RSPH14: variants seen among roughly 807,000 people sequenced by gnomAD.
RSPH14 encodes the protein rhabdoid tumor deletion region gene 1.
RSPH14 carries 20 observed loss-of-function variants against 26.7 expected under a neutral mutation model. That is an observed-to-expected ratio of 0.75 (90% CI 0.53 to 1.09). The LOEUF (loss-of-function observed/expected upper bound fraction) is 1.09, where lower values mean the gene tolerates loss of function less well. Ranked by LOEUF, RSPH14 falls within the 50% of genes least tolerant of loss-of-function variation. RSPH14 has a pLI of 0.00. For missense variants in RSPH14, 449 were observed against 457.2 expected (o/e 0.98, Z 0.16); for synonymous variants, 177 against 189.3 (o/e 0.93, Z 0.53).
At chr22:23,067,290 T>C (rs1053484942) in intron 4 of RSPH14, among the ~76,000 whole-genome samples, 1 of 152,070 alleles carries the variant, frequency 6.6e-6, no homozygotes, top group Non-Finnish European at 1.5e-5. Context: ...GCCTGCTGGG[T>C]TGGGGAGGTG....
intron 4 of RSPH14, among the ~76,000 whole-genome samples, chr22:23,098,606 C>T (rs2069194726): frequency 6.6e-6 from 1 of 152,242 alleles, no homozygotes; most frequent in South Asian, 2.1e-4. Context: ...ACCCTGGTTT[C>T]TGCAGGCCTG....
intron 4 of RSPH14, chr22:23,131,637 C>G (rs1287920543): frequency 7.7e-7 from 1 of 1,303,920 alleles, no homozygotes; most frequent in African/African-American, 1.5e-5. Context: ...CTCCACACTC[C>G]AAGAATGAGG....
intron 4 of RSPH14, among the ~76,000 whole-genome samples, chr22:23,133,393 G>C (rs1273540598): frequency 1.3e-5 from 2 of 152,018 alleles, no homozygotes; most frequent in Non-Finnish European, 2.9e-5. Flanking sequence ...TTTTAAAAGG[G>C]GCATCATCTA....
At chr22:23,073,639 G>A (rs899041886) in intron 4 of RSPH14, among the ~76,000 whole-genome samples, 1 of 152,254 alleles carries the variant, frequency 6.6e-6, no homozygotes, top group African/African-American at 2.4e-5. Flanking sequence ...CGCTTCACAG[G>A]ATTGAACCAA....
chr22:23,144,150 T>C (rs903018027), upstream of RSPH14, among the ~76,000 whole-genome samples: 14 of 145,224 alleles, frequency 9.6e-5, no homozygotes, highest in African/African-American at 3.6e-4. Context: ...GGGTGATCTC[T>C]AGCTCCTGCC....
At chr22:23,098,158 C>T (rs903409551) in intron 4 of RSPH14, among the ~76,000 whole-genome samples, 1 of 152,236 alleles carries the variant, frequency 6.6e-6, no homozygotes, top group Admixed American at 6.5e-5. Context: ...CACCTTGCTG[C>T]CTCTCTCTCC....
intron 4 of RSPH14, among the ~76,000 whole-genome samples, chr22:23,105,887 C>T (rs1157509908): frequency 2.0e-5 from 3 of 152,198 alleles, no homozygotes; most frequent in Non-Finnish European, 4.4e-5. Flanking sequence ...CCAGTCCTCC[C>T]AGTTGGGCAG....
At chr22:23,085,172 A>G (rs2068784609) in intron 4 of RSPH14, among the ~76,000 whole-genome samples, 1 of 152,074 alleles carries the variant, frequency 6.6e-6, no homozygotes, top group African/African-American at 2.4e-5. Flanking sequence ...AGCTCTGGGA[A>G]TCACCCCACC....
At chr22:23,088,176 G>A (rs189988873) in intron 4 of RSPH14, among the ~76,000 whole-genome samples, 4 of 152,338 alleles carry the variant, frequency 2.6e-5, no homozygotes, top group Admixed American at 2.6e-4. Context: ...TGGCCTGCAG[G>A]TTCCCATACT....
chr22:23,168,515 C>T, the RSPH14 span, among the ~76,000 whole-genome samples: 1 of 152,150 alleles, frequency 6.6e-6, no homozygotes. Context: ...CACACAGACA[C>T]CTGCCGCTTC....
At position 23,063,912 on chromosome 22, in the gene RSPH14, G is replaced by T. The variant is rs374603276; in HGVS notation, c.643C>A (p.Leu215Ile). The change falls in exon 5 of 7, where the codon CTT becomes ATT. Residue 215 changes from leucine (L) to isoleucine (I), a missense_variant. Leu to Ile is a conservative substitution (Grantham distance 5). Coordinates refer to ENST00000216036, the MANE Select transcript of RSPH14 (RefSeq NM_014433.3). ...TAGGCCAGGCCTCACCTGACATTAA[G>T]GAGCGCACGGGCGGCCTTGCTGCGG... Reference protein sequence around the residue: ...NIRSKAARALLNVSISREGKK... With the variant: ...NIRSKAARALINVSISREGKK... 8.1e-6 allele frequency: 13 copies of T among 1,614,014 alleles called. No homozygotes were observed. In the African/African-American group the frequency reaches 1.7e-4, roughly 22 times the overall value.
chr22:23,155,394 C>T, the RSPH14 span, among the ~76,000 whole-genome samples: 1 of 152,184 alleles, frequency 6.6e-6, no homozygotes, highest in Non-Finnish European at 1.5e-5. Flanking sequence ...GGAGCCAGGG[C>T]TTTGCTTCTA....
In RSPH14 at chr22:23,136,937, T is replaced by C. The variant is rs1357978989; in HGVS notation, c.302+1903A>G. On this transcript the variant is annotated intron_variant, in intron 3 of 6. Coordinates refer to ENST00000216036, the MANE Select transcript of RSPH14 (RefSeq NM_014433.3). ...GCCCAGATCACAGAGCAGGAAAGAGTGGGCCCCCCAAAAGGCTGGGGCTTG... is the reference window on the plus strand; with the variant it reads ...GCCCAGATCACAGAGCAGGAAAGAGCGGGCCCCCCAAAAGGCTGGGGCTTG... Among the ~76,000 whole-genome samples the C allele has an allele frequency of 5.8e-5, 8 of 137,802 alleles. 3 individuals are homozygous for C. The highest frequency in any genetic ancestry group is 1.3e-4 in the Non-Finnish European group (8 of 61,912). 90.4% of individuals were successfully genotyped at this position (137,802 alleles called of 152,430 possible). A position where few individuals can be genotyped will look rare whatever the true frequency, so the allele number is the denominator to read the frequency against.
upstream of RSPH14, among the ~76,000 whole-genome samples, chr22:23,144,809 G>T (rs2070685358): frequency 6.6e-6 from 1 of 152,184 alleles, no homozygotes. Context: ...AAGTTAAGGA[G>T]CTGAATTAAG....
intron 4 of RSPH14, among the ~76,000 whole-genome samples, chr22:23,081,357 A>G (rs917006405): frequency 6.6e-6 from 1 of 152,160 alleles, no homozygotes; most frequent in African/African-American, 2.4e-5. Flanking sequence ...AGATATATGA[A>G]TGTATGTTTA....
intron 4 of RSPH14, among the ~76,000 whole-genome samples, chr22:23,115,109 A>G (rs1006060039): frequency 6.6e-6 from 1 of 152,150 alleles, no homozygotes; most frequent in Admixed American, 6.5e-5. Flanking sequence ...AGCAAACTGC[A>G]TGGGGTCCTG....
At chr22:23,094,639 G>A (rs538035859) in intron 4 of RSPH14, among the ~76,000 whole-genome samples, 1 of 152,328 alleles carries the variant, frequency 6.6e-6, no homozygotes, top group Non-Finnish European at 1.5e-5. Flanking sequence ...ACCTCACGGT[G>A]CTCCCACAGC....
At chr22:23,065,358 C>A (rs1010506267) in intron 4 of RSPH14, among the ~76,000 whole-genome samples, 25 of 152,066 alleles carry the variant, frequency 1.6e-4, no homozygotes, top group African/African-American at 6.0e-4. Context: ...CATGCCCCAT[C>A]CCCCAGGTCC....
At chr22:23,081,884 G>A (rs1232495281) in intron 4 of RSPH14, among the ~76,000 whole-genome samples, 1 of 150,522 alleles carries the variant, frequency 6.6e-6, no homozygotes, top group Non-Finnish European at 1.5e-5. Context: ...CCAGCACTTT[G>A]GGGGGCCGAG....
Sources: allele counts gnomAD v4.1 joint callset (sites outside exome capture counted in the v4.1 genomes callset), GRCh38; gene constraint gnomAD v4.1.1; transcripts MANE v1.5; gene names NCBI Gene and HGNC (gene_info 2026-07-23, HGNC 2026-07-21).